DHX36: variants seen among roughly 807,000 people sequenced by gnomAD.
DHX36 encodes the protein ATP-dependent DNA/RNA helicase DHX36.
Under a neutral mutation model 139.0 loss-of-function variants are expected in DHX36, and 50 were observed. The ratio of observed to expected loss-of-function variants is 0.36; its 90% CI spans 0.29 to 0.46. The LOEUF (loss-of-function observed/expected upper bound fraction) is 0.46. Among genes scored for constraint, DHX36 ranks in the 20% least tolerant of loss-of-function variants. The pLI, the probability that DHX36 is intolerant of heterozygous loss-of-function variation, is 1.00. For synonymous variants in DHX36, 425 were observed against 401.9 expected (o/e 1.06, Z -0.69); for missense variants, 1,024 against 1,211.3 (o/e 0.85, Z 2.29).
chr3:154,283,050 A>G (rs2108334521), intron 20 of DHX36, 138 bp downstream of exon 20: 1 of 569,352 alleles, frequency 1.8e-6, no homozygotes, highest in East Asian at 2.9e-5. Context: ...AAGATCCCCC[A>G]TTACTTTGTG....
Position 154,293,740 on chromosome 3 carries a change from AT to A in DHX36, c.1670+7del. ...TCATCAGTATTTGATATTTAAAACT[AT>A]TTTTACCTAGTCTCCGCAATGTTGG... On this transcript the variant is annotated splice_region_variant and intron_variant, in intron 14 of 24. Coordinates refer to ENST00000496811, the MANE Select transcript of DHX36 (RefSeq NM_020865.3). 1 of 1,609,268 alleles carries A rather than the reference AT, an allele frequency of 6.2e-7. No individual in the cohort carries two copies. Among genetic ancestry groups the A allele is most frequent in the Non-Finnish European group, 8.5e-7 (1 of 1,176,038 alleles).
chr3:154,316,308 C>A, intron 1 of DHX36, 145 bp from the exon 2 acceptor site: 2 of 969,924 alleles, frequency 2.1e-6, no homozygotes, highest in Non-Finnish European at 3.0e-6. Context: ...TCCTCTAGCC[C>A]AATACCCCCC....
chr3:154,301,975 T>C (rs111441657), intron 9 of DHX36, among the ~76,000 whole-genome samples: 6 of 152,000 alleles, frequency 3.9e-5, no homozygotes, highest in African/African-American at 1.4e-4. Flanking sequence ...TGTGTAACCT[T>C]AGACAAGGCA....
intron 17 of DHX36, among the ~76,000 whole-genome samples, chr3:154,288,177 AAG>A (rs1399846927): frequency 6.6e-6 from 1 of 151,400 alleles, no homozygotes; most frequent in Non-Finnish European, 1.5e-5. Context: ...AAAGAGGAAA[AAG>A]AAAAAAAACC....
intron 5 of DHX36, among the ~76,000 whole-genome samples, chr3:154,307,736 A>C (rs1230945340): frequency 1.3e-5 from 2 of 152,084 alleles, no homozygotes; most frequent in East Asian, 3.9e-4. Flanking sequence ...AAATAGAGCT[A>C]TCATTTGATC....
intron 5 of DHX36, among the ~76,000 whole-genome samples, chr3:154,308,182 T>C (rs1712582291): frequency 6.6e-6 from 1 of 152,170 alleles, no homozygotes; most frequent in African/African-American, 2.4e-5. Flanking sequence ...AACCTATGCA[T>C]GTAACAAAAT....
In DHX36 at chr3:154,293,856, CTAATACAT is replaced by C. The variant is rs749912675; in HGVS notation, c.1606-52_1606-45del. The C allele has an allele frequency of 2.5e-5, 34 of 1,372,436 alleles. 1 individual carries two copies. The highest frequency in any genetic ancestry group is 1.7e-4 in the African/African-American group (12 of 69,918). 85.0% of individuals were successfully genotyped at this position (1,372,436 alleles called of 1,614,324 possible). ...CAGAATCACAAAAGTACACTAACTT[CTAATACAT>C]TATATTTGTAATTAGAGGAATTACC... On this transcript the variant is annotated intron_variant, in intron 13 of 24. Coordinates refer to ENST00000496811, the MANE Select transcript of DHX36 (RefSeq NM_020865.3).
At chr3:154,322,576 T>C (rs904380541) in intron 1 of DHX36, among the ~76,000 whole-genome samples, 2 of 152,164 alleles carry the variant, frequency 1.3e-5, no homozygotes, top group African/African-American at 2.4e-5. Context: ...CCTTGCCAAG[T>C]GAATAAATGG....
At chr3:154,298,068 T>C (rs1712112676) in intron 12 of DHX36, among the ~76,000 whole-genome samples, 1 of 152,200 alleles carries the variant, frequency 6.6e-6, no homozygotes, top group Admixed American at 6.5e-5. Context: ...ACTCAAGTTC[T>C]GGAAAGATTT....
At chr3:154,293,928 C>A in intron 13 of DHX36, 116 bp from the exon 14 acceptor site, 1 of 650,348 alleles carries the variant, frequency 1.5e-6, no homozygotes, top group Non-Finnish European at 2.8e-6. Context: ...TGTTCATTCA[C>A]TGACATATAC....
At chr3:154,288,032 C>CGTT (rs1711611021) in intron 17 of DHX36, among the ~76,000 whole-genome samples, 1 of 150,598 alleles carries the variant, frequency 6.6e-6, no homozygotes, top group Admixed American at 6.6e-5. Context: ...AACTGTTGGG[C>CGTT]GTTATCTACC....
In DHX36 at chr3:154,285,006, T is replaced by TTTA; in HGVS notation, c.2032-20_2032-19insTAA. 6.2e-7 allele frequency: 1 copy of TTTA among 1,613,300 alleles called. No homozygotes were observed. The highest frequency in any genetic ancestry group is 1.1e-5 in the South Asian group (1 of 91,012). ...AAGCGTTCTGTAAAGGAAGAGTGTG[T>TTTA]GTTTAAAATAGATCCTGTAAAGCAT... On this transcript the variant is annotated intron_variant, in intron 17 of 24. Coordinates refer to ENST00000496811, the MANE Select transcript of DHX36 (RefSeq NM_020865.3).
chr3:154,297,455 G>A (rs111632661), intron 12 of DHX36, among the ~76,000 whole-genome samples: 287 of 152,296 alleles, frequency 1.9e-3, no homozygotes, highest in African/African-American at 6.4e-3. Context: ...GCTCACGCCC[G>A]CAATCCCAGC....
rs541298177 is a variant in DHX36, at chr3:154,273,323, G to A, written c.*2848C>T. 93 of 152,220 alleles carry A rather than the reference G, an allele frequency of 6.1e-4. No homozygotes were observed. The highest frequency in any genetic ancestry group is 2.1e-3 in the African/African-American group (88 of 41,542). 9.4% of individuals were successfully genotyped at this position (152,220 alleles called of 1,614,324 possible). On this transcript the variant is annotated 3_prime_UTR_variant, in exon 25 of 25. Transcript: ENST00000496811. ...ACATAAATTGGAGGTAACAATAACT[G>A]CTTTAATCTCTGTGAATGCCTCATC...
Position 154,301,945 on chromosome 3 carries a change from C to T in DHX36, c.1218-818G>A, listed in dbSNP as rs112509824. ...CATGGACTCCCAAGTCAGAATATCC[C>T]TCCTCTGCTACTGACTAGCTGTGTA... On this transcript the variant is annotated intron_variant, in intron 9 of 24. Transcript: ENST00000496811. Among the ~76,000 whole-genome samples the T allele has an allele frequency of 3.7e-3, 568 of 152,040 alleles. 3 individuals carry two copies. Among genetic ancestry groups the T allele is most frequent in the African/African-American group, 0.013 (544 of 41,452 alleles).
chr3:154,324,332 C>T lies in DHX36; in HGVS notation c.85G>A (p.Gly29Ser). ...GGGYGGGPAGGHGGNRGSGGG... is the reference protein window; with the variant it reads ...GGGYGGGPAGSHGGNRGSGGG... ...CCGGAGCCTCGGTTACCTCCATGACCCCCTGCTGGCCCCCCTCCATAGCCC... is the reference window on the plus strand; with the variant it reads ...CCGGAGCCTCGGTTACCTCCATGACTCCCTGCTGGCCCCCCTCCATAGCCC... Residue 29 changes from glycine to serine, a missense_variant, in exon 1 of 25, where the codon GGT becomes AGT. Physicochemically the swap from Gly to Ser is moderately conservative, Grantham distance 56 (BLOSUM62 0). Coordinates refer to ENST00000496811, the MANE Select transcript of DHX36 (RefSeq NM_020865.3). 6.2e-7 allele frequency: 1 copy of T among 1,609,046 alleles called. No individual in the cohort carries two copies. Among genetic ancestry groups the T allele is most frequent in the South Asian group, 1.1e-5 (1 of 90,220 alleles).
chr3:154,287,691 A>T (rs1371212427), intron 17 of DHX36, among the ~76,000 whole-genome samples: 1 of 152,048 alleles, frequency 6.6e-6, no homozygotes, highest in East Asian at 1.9e-4. Context: ...AAAATAAGGA[A>T]TTTATCAAGG....
chr3:154,293,707 T>G (rs752516196), intron 14 of DHX36, 41 bp downstream of exon 14: 1 of 1,436,672 alleles, frequency 7.0e-7, no homozygotes, highest in Non-Finnish European at 9.8e-7. Flanking sequence ...TGTTTAAAAC[T>G]TATGTAATCA....
In DHX36 at chr3:154,320,581, T is replaced by C. The variant is rs921757871; in HGVS notation, c.243+3593A>G. Among the ~76,000 whole-genome samples the C allele has an allele frequency of 1.2e-4, 18 of 152,330 alleles. 2 individuals carry two copies. Among genetic ancestry groups the C allele is most frequent in the Admixed American group, 1.1e-3 (17 of 15,296 alleles). Reference sequence around the variant, plus strand: ...ACAGCCCTCTCCCTCCTGCAAATCCTCATTTGTATGCCCTATAACAATATC... The same window carrying C: ...ACAGCCCTCTCCCTCCTGCAAATCCCCATTTGTATGCCCTATAACAATATC... On this transcript the variant is annotated intron_variant, in intron 1 of 24. Transcript: ENST00000496811.
Sources: allele counts gnomAD v4.1 joint callset (sites outside exome capture counted in the v4.1 genomes callset), GRCh38; gene constraint gnomAD v4.1.1; transcripts MANE v1.5; gene names NCBI Gene and HGNC (gene_info 2026-07-23, HGNC 2026-07-21).